SLC9A9: variants seen among roughly 807,000 people sequenced by gnomAD.
SLC9A9 encodes solute carrier family 9 member A9, also known as sodium/hydrogen exchanger 9.
A neutral mutation model predicts 77.8 loss-of-function variants in SLC9A9; 62 were observed. The observed-to-expected ratio is 0.80, with a 90% CI of 0.65 to 0.98. The LOEUF (loss-of-function observed/expected upper bound fraction) is 0.98. Ranked by LOEUF, SLC9A9 falls within the 50% of genes least tolerant of loss-of-function variation. The probability of loss-of-function intolerance (pLI) is 0.00; values close to 1 mark genes in which losing one functional copy is unlikely to be tolerated. For missense variants in SLC9A9, 775 were observed against 774.9 expected, an observed-to-expected ratio of 1.00 and a Z score of 0.00; for synonymous variants, 320 against 283.5, an observed-to-expected ratio of 1.13 and a Z score of -1.29.
At chr3:143,424,670 C>T (rs895167965) in intron 12 of SLC9A9, among the ~76,000 whole-genome samples, 4 of 152,108 alleles carry the variant, frequency 2.6e-5, no homozygotes, top group Non-Finnish European at 5.9e-5. Flanking sequence ...GGCCTGAAAC[C>T]TTTTAAAGTT....
intron 4 of SLC9A9, 85 bp from the exon 5 acceptor site, chr3:143,693,392 T>G (rs1933536936): frequency 9.2e-7 from 1 of 1,091,738 alleles, no homozygotes; most frequent in Admixed American, 1.7e-5. Context: ...GCTAATGTTT[T>G]TCCTGAATAC....
chr3:143,681,258 T>C (rs1933080709), intron 5 of SLC9A9, among the ~76,000 whole-genome samples: 2 of 152,162 alleles, frequency 1.3e-5, no homozygotes, highest in African/African-American at 4.8e-5. Flanking sequence ...TAATATTTGG[T>C]ATTAGATTTT....
chr3:143,659,177 G>A (rs1008446448), intron 5 of SLC9A9, among the ~76,000 whole-genome samples: 2 of 152,000 alleles, frequency 1.3e-5, no homozygotes, highest in East Asian at 1.9e-4. Flanking sequence ...TGGTGGGCAA[G>A]GGTTTATCTA....
intron 13 of SLC9A9, among the ~76,000 whole-genome samples, chr3:143,380,943 A>AT (rs2033288292): frequency 6.6e-6 from 1 of 152,256 alleles, no homozygotes; most frequent in African/African-American, 2.4e-5. Context: ...AAATACGCTC[A>AT]TAACACAATT....
chr3:143,610,344 G>A (rs540027229), intron 6 of SLC9A9, among the ~76,000 whole-genome samples: 63 of 151,898 alleles, frequency 4.1e-4, no homozygotes, highest in Non-Finnish European at 7.2e-4. Flanking sequence ...AAGGGGTTTC[G>A]CCATGTTGCC....
At chr3:143,773,004 A>T (rs1372973790) in intron 4 of SLC9A9, among the ~76,000 whole-genome samples, 2 of 152,258 alleles carry the variant, frequency 1.3e-5, no homozygotes, top group Non-Finnish European at 2.9e-5. Context: ...TATACAGAAG[A>T]TCATTGTTGG....
chr3:143,838,352 C>T (rs1051098094), intron 1 of SLC9A9, among the ~76,000 whole-genome samples: 2 of 152,136 alleles, frequency 1.3e-5, no homozygotes, highest in African/African-American at 4.8e-5. Flanking sequence ...GCGATGGGCA[C>T]TTAGGGCAGT....
chr3:143,844,756 TCTTTCTTTC>T (rs1182967563), intron 1 of SLC9A9, among the ~76,000 whole-genome samples: 2 of 149,274 alleles, frequency 1.3e-5, no homozygotes, highest in Admixed American at 6.7e-5. Context: ...TTTCTTTCTT[TCTTTCTTTC>T]TTTCTTTCTT....
intron 14 of SLC9A9, among the ~76,000 whole-genome samples, chr3:143,356,721 C>G (rs1225526285): frequency 6.6e-6 from 1 of 151,994 alleles, no homozygotes; most frequent in African/African-American, 2.4e-5. Flanking sequence ...TGCTATGTTG[C>G]CCAGGGTGGT....
At chr3:143,514,981 C>A (rs558564284) in intron 9 of SLC9A9, among the ~76,000 whole-genome samples, 2 of 152,188 alleles carry the variant, frequency 1.3e-5, no homozygotes, top group Non-Finnish European at 2.9e-5. Flanking sequence ...TGCCTTTTGA[C>A]ATGCCTTCCT....
intron 9 of SLC9A9, among the ~76,000 whole-genome samples, chr3:143,533,421 A>G (rs528879241): frequency 1.3e-5 from 2 of 151,636 alleles, no homozygotes; most frequent in African/African-American, 4.9e-5. Context: ...GACTTCTGGT[A>G]GGCATTAGGC....
chr3:143,269,636 A>G (rs911099781), intron 14 of SLC9A9, among the ~76,000 whole-genome samples: 2 of 152,202 alleles, frequency 1.3e-5, no homozygotes, highest in African/African-American at 2.4e-5. Context: ...CCTCCAATCT[A>G]TCAATAATGA....
intron 12 of SLC9A9, among the ~76,000 whole-genome samples, chr3:143,421,777 G>A (rs981693503): frequency 3.9e-5 from 6 of 152,094 alleles, no homozygotes; most frequent in African/African-American, 7.2e-5. Context: ...CACAGCAAAC[G>A]AAACTATCAA....
At chr3:143,709,712 T>C (rs112948718) in intron 4 of SLC9A9, among the ~76,000 whole-genome samples, 62 of 152,266 alleles carry the variant, frequency 4.1e-4, no homozygotes, top group African/African-American at 1.3e-3. Context: ...TTGAATAGCA[T>C]TGTTACTGAA....
chr3:143,578,433 T>C lies in SLC9A9; in HGVS notation c.894+152A>G, dbSNP rs557699485. On this transcript the variant is annotated intron_variant, in intron 7 of 15. Transcript: ENST00000316549. The stretch of plus-strand genomic sequence containing the variant: ...ACCAACCTATGCCTCCAGGGGTGAC[T>C]GAGAACCAAGATGGCACCAGTGGTG... 6.2e-4 allele frequency: 743 copies of C among 1,199,192 alleles called. 5 individuals are homozygous for C. The African/African-American group carries it at 0.01, about 16-fold the overall frequency. The allele number at this position is 1,199,192 out of a possible 1,614,324, so 74.3% of individuals were successfully genotyped here.
At chr3:143,443,857 G>A (rs1284567489) in intron 12 of SLC9A9, among the ~76,000 whole-genome samples, 1 of 150,834 alleles carries the variant, frequency 6.6e-6, no homozygotes, top group African/African-American at 2.5e-5. Context: ...TTCTTGGCCA[G>A]GAAACAAATT....
At chr3:143,634,979 T>C (rs2038492824) in intron 6 of SLC9A9, among the ~76,000 whole-genome samples, 1 of 152,110 alleles carries the variant, frequency 6.6e-6, no homozygotes, top group Admixed American at 6.6e-5. Context: ...AATTTGGGTT[T>C]TGTCCTGGTT....
intron 12 of SLC9A9, among the ~76,000 whole-genome samples, chr3:143,448,201 G>A (rs540593718): frequency 1.2e-4 from 18 of 152,234 alleles, no homozygotes; most frequent in Admixed American, 2.6e-4. Flanking sequence ...AAAGATGAAT[G>A]TTTGCTAGAT....
chr3:143,765,069 TTC>T (rs200691213), intron 4 of SLC9A9, among the ~76,000 whole-genome samples: 48 of 147,898 alleles, frequency 3.2e-4, no homozygotes, highest in African/African-American at 1.1e-3. Context: ...TTCCCTCTTT[TTC>T]TCTCTTTCTT....
Sources: gnomAD v4.1 joint callset for allele counts (sites outside exome capture counted in the v4.1 genomes callset) on GRCh38, gnomAD v4.1.1 for gene constraint, MANE v1.5 for transcripts, NCBI Gene and HGNC (gene_info 2026-07-23, HGNC 2026-07-21) for gene names.